PTPRM: variants seen among roughly 807,000 people sequenced by gnomAD.
PTPRM encodes the protein protein tyrosine phosphatase receptor type M.
In PTPRM, 47 loss-of-function variants were observed where a neutral mutation model predicts 186.7. The observed-to-expected ratio is 0.25, with a 90% CI of 0.20 to 0.32. The LOEUF (loss-of-function observed/expected upper bound fraction) is 0.32. Among genes scored for constraint, PTPRM ranks in the 10% least tolerant of loss-of-function variants. PTPRM has a pLI of 1.00. For synonymous variants in PTPRM, 668 were observed against 674.9 expected, an observed-to-expected ratio of 0.99 and a Z score of 0.16; for missense variants, 1,494 against 1,865.0, an observed-to-expected ratio of 0.80 and a Z score of 3.66.
intron 23 of PTPRM, among the ~76,000 whole-genome samples, chr18:8,351,963 T>C (rs1366272439): frequency 6.6e-6 from 1 of 152,224 alleles, no homozygotes; most frequent in Non-Finnish European, 1.5e-5. Context: ...AGTTCCCCTC[T>C]GTAAAAAGTT....
intron 2 of PTPRM, among the ~76,000 whole-genome samples, chr18:7,792,549 C>T (rs2043392998): frequency 1.3e-5 from 2 of 152,124 alleles, no homozygotes; most frequent in Non-Finnish European, 2.9e-5. Flanking sequence ...CAAACTCTTG[C>T]TATCCATTGA....
intron 19 of PTPRM, among the ~76,000 whole-genome samples, chr18:8,287,437 A>G (rs761490316): frequency 2.0e-5 from 3 of 152,192 alleles, no homozygotes; most frequent in Non-Finnish European, 2.9e-5. Flanking sequence ...CTGCCCTGGT[A>G]TGTTTATAAC....
At chr18:8,185,214 A>C (rs1356892001) in intron 14 of PTPRM, among the ~76,000 whole-genome samples, 1 of 152,228 alleles carries the variant, frequency 6.6e-6, no homozygotes, top group Non-Finnish European at 1.5e-5. Context: ...AATACTTTCA[A>C]AATTTGTACA....
At chr18:8,042,632 GAGCTTC>G (rs767856106) in intron 7 of PTPRM, among the ~76,000 whole-genome samples, 8 of 151,812 alleles carry the variant, frequency 5.3e-5, no homozygotes, top group Non-Finnish European at 8.8e-5. Context: ...CCCTACCCTT[GAGCTTC>G]AGATCTAGTG....
chr18:8,109,175 G>T (rs1336774739), intron 11 of PTPRM, among the ~76,000 whole-genome samples: 3 of 152,178 alleles, frequency 2.0e-5, no homozygotes, highest in African/African-American at 7.2e-5. Context: ...TTCTGTCAAG[G>T]TACTATTGAC....
At chr18:7,742,566 C>T (rs1255338840) in intron 1 of PTPRM, among the ~76,000 whole-genome samples, 1 of 152,174 alleles carries the variant, frequency 6.6e-6, no homozygotes, top group East Asian at 1.9e-4. Context: ...TATCTGGGCA[C>T]AGTGGTTCAC....
chr18:8,333,213 C>T (rs1347931948), intron 22 of PTPRM, among the ~76,000 whole-genome samples: 1 of 152,136 alleles, frequency 6.6e-6, no homozygotes, highest in Admixed American at 6.5e-5. Context: ...TTTGCTTTTC[C>T]TTTTCTGCAG....
At chr18:7,861,115 A>G (rs895642923) in intron 2 of PTPRM, among the ~76,000 whole-genome samples, 1 of 152,060 alleles carries the variant, frequency 6.6e-6, no homozygotes, top group Non-Finnish European at 1.5e-5. Context: ...GCCCTAGTCC[A>G]TGTCCTCTTC....
chr18:8,241,377 A>G (rs1027202968), intron 14 of PTPRM, among the ~76,000 whole-genome samples: 1 of 148,038 alleles, frequency 6.8e-6, no homozygotes, highest in Non-Finnish European at 1.5e-5. Flanking sequence ...ATTAAAGAAA[A>G]TGAAAGCAAT....
rs556252156 is a variant in PTPRM, at chr18:8,200,108, A to G, written c.2301-43950A>G. On this transcript the variant is annotated intron_variant, in intron 14 of 32. Coordinates refer to ENST00000580170, the MANE Select transcript of PTPRM (RefSeq NM_001105244.2). ...TCACAGAGCTTTGGGGAAGCCCTGA[A>G]ACTCACCTGATAGCAGTGTCCTTGG... Among the ~76,000 whole-genome samples, 15 of 152,262 alleles carry G rather than the reference A, an allele frequency of 9.9e-5. No homozygotes were observed. The South Asian group carries it at 3.1e-3, about 32-fold the overall frequency.
intron 31 of PTPRM, among the ~76,000 whole-genome samples, chr18:8,388,786 C>T (rs2095793743): frequency 6.6e-6 from 1 of 152,038 alleles, no homozygotes; most frequent in African/African-American, 2.4e-5. Flanking sequence ...ACGTTGAAAC[C>T]CCGTCTCTAC....
chr18:8,063,233 G>A (rs562485566), intron 7 of PTPRM, among the ~76,000 whole-genome samples: 6 of 151,084 alleles, frequency 4.0e-5, no homozygotes, highest in African/African-American at 1.2e-4. Context: ...AGGTGCGCCC[G>A]TCACCCCTTT....
At chr18:8,010,620 G>A (rs1265898158) in intron 7 of PTPRM, among the ~76,000 whole-genome samples, 1 of 152,196 alleles carries the variant, frequency 6.6e-6, no homozygotes, top group African/African-American at 2.4e-5. Flanking sequence ...AGGAATGGGG[G>A]CAGGTGGGTT....
intron 1 of PTPRM, among the ~76,000 whole-genome samples, chr18:7,638,978 C>A (rs1380209783): frequency 2.0e-5 from 3 of 152,178 alleles, no homozygotes; most frequent in Non-Finnish European, 4.4e-5. Flanking sequence ...ATAATCTTAA[C>A]CATGTTTATT....
At chr18:7,901,688 G>A (rs57487837) in intron 3 of PTPRM, among the ~76,000 whole-genome samples, 1 of 152,026 alleles carries the variant, frequency 6.6e-6, no homozygotes, top group Non-Finnish European at 1.5e-5. Context: ...TAATCCTCTT[G>A]TTTGTTAGAA....
At chr18:7,779,402 G>C (rs1163951107) in intron 2 of PTPRM, among the ~76,000 whole-genome samples, 1 of 152,192 alleles carries the variant, frequency 6.6e-6, no homozygotes, top group Non-Finnish European at 1.5e-5. Context: ...AATCACGTCT[G>C]TGGGTGCCCG....
intron 14 of PTPRM, among the ~76,000 whole-genome samples, chr18:8,147,630 C>T (rs1419216636): frequency 2.5e-5 from 3 of 118,550 alleles, no homozygotes; most frequent in Non-Finnish European, 6.1e-5. Context: ...TTTGAATACC[C>T]TTTATTTCTT....
At chr18:8,240,482 GGAGAGA>G (rs143950976) in intron 14 of PTPRM, among the ~76,000 whole-genome samples, 1 of 26,268 alleles carries the variant, frequency 3.8e-5, no homozygotes, top group Non-Finnish European at 6.9e-5. Flanking sequence ...AGGGAGGGGA[GGAGAGA>G]GAGAGAGAGA....
chr18:7,966,870 G>A lies in PTPRM; in HGVS notation c.1132+11456G>A, dbSNP rs866592230. 6.7e-3 allele frequency among the ~76,000 whole-genome samples: 849 copies of A among 127,308 alleles called. 1 individual carries two copies. The highest frequency in any genetic ancestry group is 0.026 in the South Asian group (100 of 3,874). 83.5% of individuals were successfully genotyped at this position (127,308 alleles called of 152,430 possible). ...AGATCAAACCGCAAGGCGGCAGCGAGGCTGGGGGAGGGGCGCCCACCATTG... is the reference window on the plus strand; with the variant it reads ...AGATCAAACCGCAAGGCGGCAGCGAAGCTGGGGGAGGGGCGCCCACCATTG... On this transcript the variant is annotated intron_variant, in intron 7 of 32. Transcript: ENST00000580170.
Sources: allele counts gnomAD v4.1 joint callset (sites outside exome capture counted in the v4.1 genomes callset), GRCh38; gene constraint gnomAD v4.1.1; transcripts MANE v1.5; gene names NCBI Gene and HGNC (gene_info 2026-07-23, HGNC 2026-07-21).